Variants in RBFOX1 observed in about 807,000 individuals in gnomAD.
RBFOX1 encodes RNA binding protein fox-1 homolog 1.
A neutral mutation model predicts 57.7 loss-of-function variants in RBFOX1; 8 were observed. The ratio of observed to expected loss-of-function variants is 0.14; its 90% confidence interval spans 0.08 to 0.25. The LOEUF is 0.25. RBFOX1 is among the 10% of genes least tolerant of loss of function. The pLI is 1.00. For missense variants in RBFOX1, 611 were observed against 548.5 expected (o/e 1.11, Z -1.14); for synonymous variants, 326 against 222.4 (o/e 1.47, Z -4.15).
At chr16:5,625,195 C>G (rs531923160) in intron 3 of RBFOX1, among the ~76,000 whole-genome samples, 3 of 151,892 alleles carry the variant, frequency 2.0e-5, no homozygotes, top group South Asian at 2.1e-4. Flanking sequence ...GAAGATGAGC[C>G]CCCCAGAACA....
intron 4 of RBFOX1, among the ~76,000 whole-genome samples, chr16:5,913,745 G>A (rs1164232145): frequency 6.6e-6 from 1 of 152,216 alleles, no homozygotes; most frequent in Non-Finnish European, 1.5e-5. Flanking sequence ...AAACATTCCA[G>A]CAACACATCC....
At chr16:7,345,874 A>G (rs2096990445) in intron 4 of RBFOX1, among the ~76,000 whole-genome samples, 1 of 152,142 alleles carries the variant, frequency 6.6e-6, no homozygotes, top group South Asian at 2.1e-4. Flanking sequence ...CATGTGCACA[A>G]CGTGCAGGTT....
At chr16:7,012,381 T>C (rs1353874740) in intron 3 of RBFOX1, among the ~76,000 whole-genome samples, 1 of 152,178 alleles carries the variant, frequency 6.6e-6, no homozygotes, top group Non-Finnish European at 1.5e-5. Context: ...CTTTTGTCTA[T>C]GAAAGTACTC....
chr16:7,346,078 T>C (rs1192482744), intron 4 of RBFOX1, among the ~76,000 whole-genome samples: 1 of 152,150 alleles, frequency 6.6e-6, no homozygotes, highest in Non-Finnish European at 1.5e-5. Flanking sequence ...ACATGCGGTG[T>C]TTGGTTTTTT....
chr16:5,578,538 C>T (rs568088364), intron 2 of RBFOX1, among the ~76,000 whole-genome samples: 73 of 152,254 alleles, frequency 4.8e-4, no homozygotes, highest in African/African-American at 1.6e-3. Context: ...TTTCAAAACA[C>T]GAAAAACCAC....
intron 4 of RBFOX1, among the ~76,000 whole-genome samples, chr16:7,394,527 C>A (rs946549369): frequency 6.6e-6 from 1 of 152,100 alleles, no homozygotes; most frequent in African/African-American, 2.4e-5. Context: ...GCAGTGAAAC[C>A]AACCTGTACT....
At chr16:7,283,856 T>C (rs2095597136) in intron 4 of RBFOX1, among the ~76,000 whole-genome samples, 1 of 152,160 alleles carries the variant, frequency 6.6e-6, no homozygotes, top group African/African-American at 2.4e-5. Context: ...TTTCAATAAG[T>C]GCATACAGTG....
intron 3 of RBFOX1, among the ~76,000 whole-genome samples, chr16:7,034,646 G>A (rs981640966): frequency 7.9e-5 from 12 of 151,692 alleles, no homozygotes; most frequent in African/African-American, 2.7e-4. Flanking sequence ...ACATCAGTGA[G>A]GCTAGCAGAG....
At chr16:7,588,163 G>C (rs943205458) in intron 7 of RBFOX1, among the ~76,000 whole-genome samples, 2 of 152,168 alleles carry the variant, frequency 1.3e-5, no homozygotes, top group African/African-American at 4.8e-5. Context: ...TCGGTGAACA[G>C]AGCAAGATCC....
At chr16:5,902,502 G>A (rs1235208207) in intron 4 of RBFOX1, among the ~76,000 whole-genome samples, 3 of 151,992 alleles carry the variant, frequency 2.0e-5, no homozygotes, top group Admixed American at 6.6e-5. Context: ...TGCAGCCACC[G>A]CCTCCCAGGT....
chr16:6,331,747 A>C (rs2083063161), intron 2 of RBFOX1, among the ~76,000 whole-genome samples: 1 of 143,442 alleles, frequency 7.0e-6, no homozygotes, highest in Admixed American at 7.3e-5. Context: ...GAAATCATGC[A>C]ATTTTTTTTG....
At chr16:7,668,302 A>G (rs2070112727) in intron 13 of RBFOX1, among the ~76,000 whole-genome samples, 1 of 152,178 alleles carries the variant, frequency 6.6e-6, no homozygotes, top group South Asian at 2.1e-4. Flanking sequence ...GGCAAGCCAC[A>G]ACCTCTTCTC....
intron 3 of RBFOX1, among the ~76,000 whole-genome samples, chr16:6,932,191 C>T (rs2076671678): frequency 6.6e-6 from 1 of 152,198 alleles, no homozygotes; most frequent in African/African-American, 2.4e-5. Context: ...GCAACCTCCA[C>T]CTCCTGTGCT....
chr16:6,585,635 A>G (rs2097599234), intron 2 of RBFOX1, among the ~76,000 whole-genome samples: 1 of 152,154 alleles, frequency 6.6e-6, no homozygotes, highest in African/African-American at 2.4e-5. Context: ...GATCAATGAC[A>G]TAGACTCTTT....
At chr16:7,696,114 G>C (rs1290488994) in intron 14 of RBFOX1, among the ~76,000 whole-genome samples, 1 of 152,194 alleles carries the variant, frequency 6.6e-6, no homozygotes, top group East Asian at 1.9e-4. Context: ...TAGCCACATG[G>C]AATAGGCATT....
At chr16:6,478,861 T>C (rs2095326377) in intron 2 of RBFOX1, among the ~76,000 whole-genome samples, 1 of 152,220 alleles carries the variant, frequency 6.6e-6, no homozygotes, top group South Asian at 2.1e-4. Flanking sequence ...CCATCAAACA[T>C]TGCTCATCAC....
At chr16:7,144,353 C>G (rs1319465195) in intron 4 of RBFOX1, among the ~76,000 whole-genome samples, 1 of 151,660 alleles carries the variant, frequency 6.6e-6, no homozygotes, top group African/African-American at 2.4e-5. Flanking sequence ...TGGTACCCAT[C>G]CTTGGACACT....
At chr16:6,460,660 C>T (rs1044394842) in intron 2 of RBFOX1, among the ~76,000 whole-genome samples, 5 of 152,072 alleles carry the variant, frequency 3.3e-5, no homozygotes, top group African/African-American at 1.2e-4. Context: ...AATGTAAATT[C>T]ATTCAACCAT....
At chr16:6,796,911 C>T (rs959240436) in intron 3 of RBFOX1, among the ~76,000 whole-genome samples, 1 of 152,160 alleles carries the variant, frequency 6.6e-6, no homozygotes, top group Non-Finnish European at 1.5e-5. Context: ...TCTCCACCCC[C>T]TTTCTTCCAC....
Sources: gnomAD v4.1 joint callset for allele counts (sites outside exome capture counted in the v4.1 genomes callset) on GRCh38, gnomAD v4.1.1 for gene constraint, MANE v1.5 for transcripts, NCBI Gene and HGNC (gene_info 2026-07-23, HGNC 2026-07-21) for gene names.